The following ZCCHC2 variants were observed in gnomAD, a reference collection of about 807,000 sequenced individuals.
The protein encoded by ZCCHC2 is zinc finger CCHC domain-containing protein 2.
ZCCHC2 carries 39 observed loss-of-function variants against 103.6 expected under a neutral mutation model. The observed-to-expected ratio is 0.38, with a 90% CI of 0.29 to 0.49. The LOEUF is 0.49. Among genes scored for constraint, ZCCHC2 ranks in the 20% least tolerant of loss-of-function variants. The pLI is 0.96. For synonymous variants in ZCCHC2, 687 were observed against 608.9 expected (o/e 1.13, Z -1.89); for missense variants, 1,483 against 1,491.0 (o/e 0.99, Z 0.09).
chr18:62,539,869 T>A, intron 2 of ZCCHC2, 77 bp downstream of exon 2: 1 of 1,179,054 alleles, frequency 8.5e-7, no homozygotes, highest in Non-Finnish European at 1.2e-6. Context: ...TGATTAACTC[T>A]AAACTTTTTA....
intron 4 of ZCCHC2, among the ~76,000 whole-genome samples, chr18:62,545,637 A>G (rs538226592): frequency 6.6e-6 from 1 of 152,368 alleles, no homozygotes; most frequent in East Asian, 1.9e-4. Flanking sequence ...GAATAGGTAT[A>G]AATGGTTGAT....
At chr18:62,575,680 G>C in intron 13 of ZCCHC2, 130 bp downstream of exon 13, 1 of 1,147,268 alleles carries the variant, frequency 8.7e-7, no homozygotes, top group East Asian at 2.6e-5. Flanking sequence ...ATTGTTTTCA[G>C]TGACAGATCA....
rs370153302 is a variant in ZCCHC2 at position 62,542,552 on chromosome 18, A to G, written c.1106A>G (p.Lys369Arg). 20 of 1,564,492 alleles carry G rather than the reference A, an allele frequency of 1.3e-5. No homozygotes were observed. The highest frequency in any genetic ancestry group is 1.7e-5 in the Non-Finnish European group (20 of 1,153,164). ...LKGVQRKRADKYWEYTFKVNW... is the reference protein window; with the variant it reads ...LKGVQRKRADRYWEYTFKVNW... ...GGAGTCCAGAGAAAAAGAGCTGACA[A>G]ATACTGGGAGTACACTTTCAAAGTA... The change falls in exon 3 of 14, where the codon AAA becomes AGA. Residue 369 changes from lysine (K) to arginine (R), a missense_variant. Physicochemically the swap from Lys to Arg is conservative, Grantham distance 26 (BLOSUM62 2). Coordinates refer to ENST00000269499, the MANE Select transcript of ZCCHC2 (RefSeq NM_017742.6).
In ZCCHC2 at chr18:62,575,022, G is replaced by A. The variant is rs772379802; in HGVS notation, c.2941G>A (p.Ala981Thr). The change falls in exon 13 of 14, where the codon GCG (alanine) becomes ACG (threonine). Residue 981 changes from alanine (A) to threonine (T), a missense_variant. By Grantham distance (58) the Ala-to-Thr change is moderately conservative (BLOSUM62 0). Transcript: ENST00000269499. ...AAGCCCTGCCTTGACACACAGTACC[G>A]CGCAGAGTGACAGCACCTCTTACAT... ...SPSPALTHSTAQSDSTSYISA... is the reference protein window; with the variant it reads ...SPSPALTHSTTQSDSTSYISA... 8.1e-6 allele frequency: 13 copies of A among 1,613,856 alleles called. No homozygotes were observed. Among genetic ancestry groups the A allele is most frequent in the African/African-American group, 2.7e-5 (2 of 74,914 alleles).
rs188272953 is a variant in ZCCHC2 at position 62,524,727 on chromosome 18, C to T, written c.939+364C>T. 1,804 of 250,914 alleles carry T rather than the reference C, an allele frequency of 7.2e-3. 14 individuals carry two copies. Among genetic ancestry groups the T allele is most frequent in the Non-Finnish European group, 9.6e-3 (1,267 of 132,124 alleles). The allele number at this position is 250,914 out of a possible 1,614,324, so 15.5% of individuals were successfully genotyped here. A position where few individuals can be genotyped will look rare whatever the true frequency, so the allele number is the denominator to read the frequency against. On this transcript the variant is annotated intron_variant, in intron 1 of 13. Transcript: ENST00000269499. ...GCATCTCAGCGCTCGGTGCGGGAGC[C>T]GCCGGGCGCTGGAGGAACCTGTGTG...
chr18:62,526,426 A>T (rs988966655), intron 1 of ZCCHC2: 6 of 152,278 alleles, frequency 3.9e-5, no homozygotes, highest in Admixed American at 2.6e-4. Context: ...TTCACATCTC[A>T]TTAAGTTGTT....
In ZCCHC2 at chr18:62,544,796, A is replaced by G; in HGVS notation, c.1129-6A>G. On this transcript the variant is annotated splice_region_variant and splice_polypyrimidine_tract_variant and intron_variant, in intron 3 of 13. Coordinates refer to ENST00000269499, the MANE Select transcript of ZCCHC2 (RefSeq NM_017742.6). ...CCATATAATATGTGTGTTTTTTTTA[A>G]ATCAGGTAAATTGGTCTGATCTTTC... 1 of 1,540,250 alleles carries G rather than the reference A, an allele frequency of 6.5e-7. No individual in the cohort carries two copies. The highest frequency in any genetic ancestry group is 8.7e-7 in the Non-Finnish European group (1 of 1,144,522).
intron 2 of ZCCHC2, among the ~76,000 whole-genome samples, chr18:62,541,515 CT>C (rs1205586233): frequency 2.6e-5 from 4 of 151,022 alleles, no homozygotes; most frequent in African/African-American, 9.8e-5. Flanking sequence ...ATGAATGCCC[CT>C]TTTTTCCTCC....
chr18:62,564,587 G>A lies in ZCCHC2; in HGVS notation c.1703G>A (p.Arg568Gln), dbSNP rs1414614000. ...TTCTACTAGCATTCTGCTGAAAAAC[G>A]GAGTTTATCTTCAATAAATAAGAAG... ...TSADQHSAEK[R>Q]SLSSINKKKG... The change falls in exon 10 of 14, where the codon CGG (arginine) becomes CAG (glutamine). Residue 568 changes from arginine to glutamine, a missense_variant. By Grantham distance (43) the Arg-to-Gln change is conservative. Around this residue, in one of 3 missense-constraint regions of ZCCHC2, gnomAD observed 884 missense variants for 907.5 expected, o/e 0.97. Transcript: ENST00000269499. 43 of 1,538,736 alleles carry A rather than the reference G, an allele frequency of 2.8e-5. No homozygotes were observed. The East Asian group carries it at 4.9e-4, about 18-fold the overall frequency.
At chr18:62,547,776 GATCTTGAACTCCTGA>G (rs1915484579) in intron 4 of ZCCHC2, among the ~76,000 whole-genome samples, 5 of 152,092 alleles carry the variant, frequency 3.3e-5, no homozygotes, top group African/African-American at 4.8e-5. Context: ...TGCCCAGGCT[GATCTTGAACTCCTGA>G]GATCAAACAA....
intron 1 of ZCCHC2, among the ~76,000 whole-genome samples, chr18:62,534,833 T>A (rs1360598440): frequency 6.6e-6 from 1 of 152,212 alleles, no homozygotes; most frequent in Non-Finnish European, 1.5e-5. Flanking sequence ...TATTGAGTAG[T>A]TTTATTAGTT....
At chr18:62,536,912 A>T (rs1255463674) in intron 1 of ZCCHC2, among the ~76,000 whole-genome samples, 1 of 152,248 alleles carries the variant, frequency 6.6e-6, no homozygotes, top group Non-Finnish European at 1.5e-5. Flanking sequence ...ATTGTGAAGC[A>T]AACTACTTTC....
At chr18:62,528,524 G>C (rs1360061242) in intron 1 of ZCCHC2, among the ~76,000 whole-genome samples, 1 of 151,794 alleles carries the variant, frequency 6.6e-6, no homozygotes, top group Non-Finnish European at 1.5e-5. Context: ...GCTTGAACCT[G>C]GGAGGCAGAG....
chr18:62,555,059 C>T (rs541780589), intron 5 of ZCCHC2, among the ~76,000 whole-genome samples: 4 of 152,290 alleles, frequency 2.6e-5, no homozygotes, highest in South Asian at 4.1e-4. Context: ...GTATGTTGAG[C>T]ACCTAAGTAG....
At chr18:62,545,391 C>T (rs1371501835) in intron 4 of ZCCHC2, among the ~76,000 whole-genome samples, 1 of 151,998 alleles carries the variant, frequency 6.6e-6, no homozygotes, top group Non-Finnish European at 1.5e-5. Context: ...TGTGCACTTC[C>T]CTGAAATAGT....
chr18:62,523,266 C>A lies in ZCCHC2; in HGVS notation c.-159C>A, dbSNP rs1226209896. The stretch of plus-strand genomic sequence containing the variant: ...CAGCGACCCCGCCGGCCGGCCACCG[C>A]CCCCCTCGCCGGCCGAGACCCGCCC... On this transcript the variant is annotated 5_prime_UTR_variant, in exon 1 of 14. Coordinates refer to ENST00000269499, the MANE Select transcript of ZCCHC2 (RefSeq NM_017742.6). 5 of 612,644 alleles carry A rather than the reference C, an allele frequency of 8.2e-6. No individual in the cohort carries two copies. The highest frequency in any genetic ancestry group is 1.0e-5 in the Non-Finnish European group (5 of 489,502). 38.0% of individuals were successfully genotyped at this position (612,644 alleles called of 1,614,324 possible).
intron 1 of ZCCHC2, among the ~76,000 whole-genome samples, chr18:62,532,352 A>C (rs1568538157): frequency 6.6e-6 from 1 of 152,158 alleles, no homozygotes; most frequent in Non-Finnish European, 1.5e-5. Flanking sequence ...TCCTTGCCTG[A>C]CACCGTTCTC....
chr18:62,572,360 C>G (rs117740013), intron 12 of ZCCHC2, among the ~76,000 whole-genome samples: 1 of 152,308 alleles, frequency 6.6e-6, no homozygotes, highest in East Asian at 1.9e-4. Context: ...TGTTAGTGTA[C>G]ATCTGTACAC....
intron 9 of ZCCHC2, among the ~76,000 whole-genome samples, chr18:62,563,767 G>T (rs982236341): frequency 6.6e-6 from 1 of 152,210 alleles, no homozygotes; most frequent in Non-Finnish European, 1.5e-5. Flanking sequence ...GAAAGAATTA[G>T]AATTCAGATT....
Sources: allele counts gnomAD v4.1 joint callset (sites outside exome capture counted in the v4.1 genomes callset), GRCh38; gene constraint gnomAD v4.1.1; regional missense constraint gnomAD v4.1.1; transcripts MANE v1.5; gene names NCBI Gene and HGNC (gene_info 2026-07-23, HGNC 2026-07-21).